Variants in RREB1 observed in about 807,000 individuals in gnomAD.
The protein encoded by RREB1 is ras-responsive element-binding protein 1.
In RREB1, 27 loss-of-function variants were observed where a neutral mutation model predicts 117.8. The observed-to-expected ratio is 0.23, with a 90% CI of 0.17 to 0.32. The LOEUF (loss-of-function observed/expected upper bound fraction) is 0.32, where lower values mean the gene tolerates loss of function less well. RREB1 is among the 10% of genes least tolerant of loss of function. The pLI is 1.00. For synonymous variants in RREB1, 1,298 were observed against 1,026.7 expected (o/e 1.26, Z -5.05); for missense variants, 2,577 against 2,378.2 (o/e 1.08, Z -1.74).
Position 7,247,021 on chromosome 6 carries a change from A to G in RREB1, c.4571A>G (p.Glu1524Gly). Residue 1524 changes from glutamate to glycine, a missense_variant, in exon 12 of 13, where the codon GAG becomes GGG. Physicochemically the swap from Glu to Gly is moderately conservative, Grantham distance 98. Transcript: ENST00000379938. ...GAGGCCCCGGCGGAAAAGCTCGCGG[A>G]GGAGACGGAGGGCCCCTCCGACGGG... is the stretch of plus-strand genomic sequence containing the variant. Reference protein sequence around the residue: ...AGEAPAEKLAEETEGPSDGES... With the variant: ...AGEAPAEKLAGETEGPSDGES... 6.2e-7 allele frequency: 1 copy of G among 1,610,164 alleles called. No homozygotes were observed.
At chr6:7,126,451 T>C (rs1334589215) in intron 1 of RREB1, among the ~76,000 whole-genome samples, 2 of 151,732 alleles carry the variant, frequency 1.3e-5, no homozygotes, top group Admixed American at 1.3e-4. Context: ...TTATTTTTAG[T>C]AGAGATGGGG....
chr6:7,221,226 T>C (rs2113061828), intron 8 of RREB1, among the ~76,000 whole-genome samples: 1 of 152,024 alleles, frequency 6.6e-6, no homozygotes, highest in East Asian at 1.9e-4. Flanking sequence ...CGGACTGCAG[T>C]GGCGCAATCT....
intron 6 of RREB1, among the ~76,000 whole-genome samples, chr6:7,206,891 TGAAAGAGCTTTGG>T (rs1766305693): frequency 6.6e-6 from 1 of 152,210 alleles, no homozygotes; most frequent in South Asian, 2.1e-4. Flanking sequence ...CTAGTCTGTC[TGAAAGAGCTTTGG>T]GATGGAAGAG....
At chr6:7,148,898 G>T (rs140136650) in intron 1 of RREB1, among the ~76,000 whole-genome samples, 1 of 152,110 alleles carries the variant, frequency 6.6e-6, no homozygotes, top group East Asian at 1.9e-4. Context: ...TTCAGATGAT[G>T]TCCAAATACC....
chr6:7,192,116 A>ATTTTTTTTTTTTTTTTTTTT (rs34074532), intron 6 of RREB1, among the ~76,000 whole-genome samples: 2 of 15,296 alleles, frequency 1.3e-4, no homozygotes, highest in African/African-American at 6.0e-4. Context: ...TTGTCAGATG[A>ATTTTTTTTTTTTTTTTTTTT]TTTTTTTTTT....
intron 6 of RREB1, among the ~76,000 whole-genome samples, chr6:7,206,525 C>G (rs1766284699): frequency 1.3e-5 from 2 of 152,228 alleles, no homozygotes. Context: ...TACTGACCAA[C>G]ACCTATGTGC....
intron 1 of RREB1, among the ~76,000 whole-genome samples, chr6:7,126,154 A>G (rs1346297337): frequency 6.6e-6 from 1 of 152,060 alleles, no homozygotes; most frequent in Non-Finnish European, 1.5e-5. Context: ...GGTGCGCACC[A>G]CCACACCCAG....
chr6:7,123,337 A>G (rs963773031), intron 1 of RREB1, among the ~76,000 whole-genome samples: 1 of 150,924 alleles, frequency 6.6e-6, no homozygotes, highest in African/African-American at 2.4e-5. Context: ...AATTTTTTGT[A>G]TTTTAATGGA....
Position 7,246,417 on chromosome 6 carries a change from C to T in RREB1, c.3974-7C>T. ...TCTGAGCCCTCCCCGCTGTGCTTGC[C>T]CCACAGACAGTCAGTCGGATGCGGA... On this transcript the variant is annotated splice_region_variant and splice_polypyrimidine_tract_variant and intron_variant, in intron 11 of 12. Transcript: ENST00000379938. The T allele has an allele frequency of 1.4e-6, 2 of 1,474,316 alleles. No individual in the cohort carries two copies. Among genetic ancestry groups the T allele is most frequent in the Non-Finnish European group, 1.8e-6 (2 of 1,109,840 alleles). 91.3% of individuals were successfully genotyped at this position (1,474,316 alleles called of 1,614,324 possible). A position where few individuals can be genotyped will look rare whatever the true frequency, so the allele number is the denominator to read the frequency against.
intron 1 of RREB1, among the ~76,000 whole-genome samples, chr6:7,115,767 C>T (rs1761369957): frequency 2.0e-5 from 3 of 152,174 alleles, no homozygotes; most frequent in Admixed American, 6.5e-5. Flanking sequence ...AACCTTTTGT[C>T]ACCCTGATCA....
At chr6:7,205,187 G>A (rs1766204970) in intron 6 of RREB1, among the ~76,000 whole-genome samples, 2 of 152,142 alleles carry the variant, frequency 1.3e-5, no homozygotes, top group Non-Finnish European at 2.9e-5. Context: ...TCACCTGCAG[G>A]GCTTGTGCAA....
chr6:7,247,353 G>T, intron 12 of RREB1, 132 bp downstream of exon 12: 1 of 779,808 alleles, frequency 1.3e-6, no homozygotes, highest in Non-Finnish European at 2.0e-6. Flanking sequence ...TGCCCTTTAA[G>T]CCCGTGAACT....
At chr6:7,125,976 G>A (rs1367425599) in intron 1 of RREB1, among the ~76,000 whole-genome samples, 1 of 144,868 alleles carries the variant, frequency 6.9e-6, no homozygotes, top group Non-Finnish European at 1.5e-5. Flanking sequence ...TGTCTGCGGA[G>A]AAGGACTGTT....
intron 10 of RREB1, among the ~76,000 whole-genome samples, chr6:7,233,896 G>A (rs1172200633): frequency 6.6e-6 from 1 of 152,198 alleles, no homozygotes; most frequent in African/African-American, 2.4e-5. Context: ...AGAGGAATCT[G>A]GGAGCCAGAG....
intron 1 of RREB1, among the ~76,000 whole-genome samples, chr6:7,170,537 T>C (rs987708998): frequency 1.3e-5 from 2 of 152,014 alleles, no homozygotes; most frequent in African/African-American, 2.4e-5. Flanking sequence ...TGCTGTTTGC[T>C]GGAGAGAAGG....
chr6:7,189,941 T>C (rs1415578230), intron 6 of RREB1, among the ~76,000 whole-genome samples: 1 of 152,216 alleles, frequency 6.6e-6, no homozygotes, highest in Non-Finnish European at 1.5e-5. Flanking sequence ...AGGCTGATCA[T>C]ACATGTTTTG....
At chr6:7,171,665 G>A (rs1266594092) in intron 1 of RREB1, among the ~76,000 whole-genome samples, 1 of 152,164 alleles carries the variant, frequency 6.6e-6, no homozygotes, top group African/African-American at 2.4e-5. Flanking sequence ...GGCACATGGT[G>A]CTCAAAAATG....
intron 9 of RREB1, among the ~76,000 whole-genome samples, chr6:7,228,005 C>T (rs1460965905): frequency 7.9e-5 from 12 of 152,162 alleles, no homozygotes; most frequent in African/African-American, 2.9e-4. Flanking sequence ...AGGTGGAGGT[C>T]GCAGTGAACC....
chr6:7,181,210 A>T lies in RREB1; in HGVS notation c.-79A>T. The T allele has an allele frequency of 2.5e-6, 1 of 398,764 alleles. No homozygotes were observed. Among genetic ancestry groups the T allele is most frequent in the Non-Finnish European group, 4.4e-6 (1 of 226,186 alleles). 24.7% of individuals were successfully genotyped at this position (398,764 alleles called of 1,614,324 possible). On this transcript the variant is annotated 5_prime_UTR_variant, in exon 3 of 13. Coordinates refer to ENST00000379938, the MANE Select transcript of RREB1 (RefSeq NM_001003699.4). The stretch of plus-strand genomic sequence containing the variant: ...GTGTGAATGATAGCTACAGCAGGGG[A>T]AAGTTTCATAGTCTATCAGTGGGTC...
Sources: allele counts gnomAD v4.1 joint callset (sites outside exome capture counted in the v4.1 genomes callset), GRCh38; gene constraint gnomAD v4.1.1; transcripts MANE v1.5; gene names NCBI Gene and HGNC (gene_info 2026-07-23, HGNC 2026-07-21).